The following SYNE1 variants were observed in gnomAD, a reference collection of about 807,000 sequenced individuals.
The protein encoded by SYNE1 is spectrin repeat containing nuclear envelope protein 1, also known as nesprin-1.
Under a neutral mutation model 1,111.0 loss-of-function variants are expected in SYNE1, and 616 were observed. The observed-to-expected ratio is 0.55, with a 90% CI of 0.52 to 0.59. The LOEUF (loss-of-function observed/expected upper bound fraction) is 0.59. Ranked by LOEUF, SYNE1 falls within the 20% of genes least tolerant of loss-of-function variation. The pLI is 0.00. For missense variants in SYNE1, 10,006 were observed against 10,417.0 expected (o/e 0.96, Z 1.72); for synonymous variants, 3,855 against 3,825.8 (o/e 1.01, Z -0.28).
intron 51 of SYNE1, among the ~76,000 whole-genome samples, chr6:152,394,053 A>G (rs2097691690): frequency 6.6e-6 from 1 of 152,020 alleles, no homozygotes; most frequent in South Asian, 2.1e-4. Flanking sequence ...TTTAACTCCC[A>G]CTTATGAGTG....
At chr6:152,174,387 A>T (rs1269616631) in intron 130 of SYNE1, among the ~76,000 whole-genome samples, 1 of 152,170 alleles carries the variant, frequency 6.6e-6, no homozygotes, top group African/African-American at 2.4e-5. Flanking sequence ...AGTTTAAGCT[A>T]AAATATTATT....
rs193298568 is a variant in SYNE1 at position 152,148,993 on chromosome 6, T to C, written c.24642+484A>G. 1.4e-3 allele frequency among the ~76,000 whole-genome samples: 211 copies of C among 152,284 alleles called. No homozygotes were observed. The highest frequency in any genetic ancestry group is 2.1e-3 in the Non-Finnish European group (142 of 68,024). On this transcript the variant is annotated intron_variant, in intron 136 of 145. Coordinates refer to ENST00000367255, the MANE Select transcript of SYNE1 (RefSeq NM_182961.4). The surrounding 1 kb of genome is among the most constrained non-coding windows in gnomAD (Gnocchi z 4.1). ...AGTAAGATGTGATTATGGTAGCAATTAGGAAAATGGAAGAATGAAAATTCA... is the reference window on the plus strand; with the variant it reads ...AGTAAGATGTGATTATGGTAGCAATCAGGAAAATGGAAGAATGAAAATTCA...
At chr6:152,212,676 T>A (rs920591042) in intron 123 of SYNE1, among the ~76,000 whole-genome samples, 7 of 152,138 alleles carry the variant, frequency 4.6e-5, no homozygotes, top group African/African-American at 1.7e-4. Flanking sequence ...ATATGATTAC[T>A]CTACGTAACT....
At chr6:152,605,980 C>T (rs1349900577) in intron 3 of SYNE1, among the ~76,000 whole-genome samples, 1 of 152,090 alleles carries the variant, frequency 6.6e-6, no homozygotes, top group African/African-American at 2.4e-5. Context: ...AACTATTCTT[C>T]CTAAATGTCT....
At chr6:152,392,175 A>G (rs189769429) in intron 51 of SYNE1, among the ~76,000 whole-genome samples, 4 of 152,204 alleles carry the variant, frequency 2.6e-5, no homozygotes, top group Admixed American at 1.3e-4. Context: ...ATCTCAATCC[A>G]AAAGCCTTTC....
rs1203627433 is a variant in SYNE1 at position 152,253,813 on chromosome 6, GTTTGGTTTTTTTTTTTTTTTTT to G, written c.19470+1045_19470+1066del. On this transcript the variant is annotated intron_variant, in intron 104 of 145. Coordinates refer to ENST00000367255, the MANE Select transcript of SYNE1 (RefSeq NM_182961.4). ...GCTAATGCTACATTTATGTGTAGTGGTTTGGTTTTTTTTTTTTTTTTTTTTTTTTTTTTTTTTTTTTTTTTTT... is the reference window on the plus strand; with the variant it reads ...GCTAATGCTACATTTATGTGTAGTGGTTTTTTTTTTTTTTTTTTTTTTTTT... 1.0e-3 allele frequency among the ~76,000 whole-genome samples: 34 copies of G among 33,236 alleles called. 1 individual carries two copies. The highest frequency in any genetic ancestry group is 6.8e-3 in the East Asian group (10 of 1,466). The allele number at this position is 33,236 out of a possible 152,430, so 21.8% of individuals were successfully genotyped here.
chr6:152,236,672 T>TA, intron 109 of SYNE1, 145 bp downstream of exon 109: 1 of 1,093,100 alleles, frequency 9.1e-7, no homozygotes, highest in Middle Eastern at 2.3e-4. Flanking sequence ...CAACTATAAA[T>TA]AACAGAAACA....
At chr6:152,433,755 G>T (rs1180876513) in intron 34 of SYNE1, 40 bp downstream of exon 34, 1 of 1,612,084 alleles carries the variant, frequency 6.2e-7, no homozygotes, top group East Asian at 2.2e-5. Context: ...GTTCTTAAAA[G>T]CTAGACATGG....
chr6:152,256,649 C>T lies in SYNE1; in HGVS notation c.19089G>A (p.Glu6363=). The T allele has an allele frequency of 6.2e-7, 1 of 1,613,684 alleles. No individual in the cohort carries two copies. ...ACAGCCTTACCTGGGATGAAACCTC[C>T]TCGAAGGCTTGGTTCAGTCCATCCA... is the stretch of plus-strand genomic sequence containing the variant. ...SLLDGLNQAF[E]EVSSQSGGAK... is the part of the protein sequence containing the mutation. The change falls in exon 102 of 146, where the codon GAG becomes GAA. Residue 6363 remains glutamate, a synonymous_variant. Transcript: ENST00000367255.
At chr6:152,269,772 A>T (rs1434950380) in intron 98 of SYNE1, among the ~76,000 whole-genome samples, 2 of 152,144 alleles carry the variant, frequency 1.3e-5, no homozygotes, top group Non-Finnish European at 2.9e-5. Flanking sequence ...CTTCCTAAAA[A>T]TTTTTCTAAA....
chr6:152,233,982 T>C lies in SYNE1; in HGVS notation c.20530-19A>G, dbSNP rs1196332104. ...AAAACTCCTGAAACAAGTAGCGATG[T>C]TCAAATTAGGGTTAAATAGCTAGAC... On this transcript the variant is annotated intron_variant, in intron 111 of 145. Coordinates refer to ENST00000367255, the MANE Select transcript of SYNE1 (RefSeq NM_182961.4). The C allele has an allele frequency of 3.1e-6, 5 of 1,612,774 alleles. No homozygotes were observed. The highest frequency in any genetic ancestry group is 1.3e-5 in the African/African-American group (1 of 74,928).
chr6:152,381,295 A>G lies in SYNE1; in HGVS notation c.8720T>C (p.Val2907Ala). Residue 2907 changes from valine to alanine, a missense_variant, in exon 56 of 146, where the codon GTG becomes GCG. Transcript: ENST00000367255. ...LSRVESLAPE[V>A]KQNTTASGCE... ...CCCACTGGCAGTTGTGTTCTGTTTC[A>G]CTTCGGGAGCCAGCGACTCCACTCT... is the stretch of plus-strand genomic sequence containing the variant. 1.9e-6 allele frequency: 3 copies of G among 1,614,106 alleles called. No individual in the cohort carries two copies. The highest frequency in any genetic ancestry group is 2.5e-6 in the Non-Finnish European group (3 of 1,180,030).
rs756151309 is a variant in SYNE1 at position 152,520,494 on chromosome 6, T to C, written c.274A>G (p.Ile92Val). The C allele has an allele frequency of 1.9e-6, 3 of 1,613,726 alleles. No individual in the cohort carries two copies. The highest frequency in any genetic ancestry group is 2.2e-5 in the East Asian group (1 of 44,862). Residue 92 changes from isoleucine to valine, a missense_variant, in exon 6 of 146, where the codon ATT becomes GTT. By Grantham distance (29) the Ile-to-Val change is conservative. This residue lies in a region of SYNE1 where 1,971 missense variants were observed against 2,084.1 expected (regional missense o/e 0.95). Transcript: ENST00000367255. ...RMKRIHAVAN[I>V]GTALKFLEGR... ...TCGAGGAACTTGAGTGCCGTGCCAA[T>C]GTTAGCCACAGCATGGATTCGCTTC... is the stretch of plus-strand genomic sequence containing the variant.
intron 3 of SYNE1, among the ~76,000 whole-genome samples, chr6:152,596,270 G>T (rs67080345): frequency 0.084 from 7,456 of 88,974 alleles, 834 homozygotes; most frequent in African/African-American, 0.27. Context: ...TTGTTTGTTT[G>T]TTTTTTTTTT....
chr6:152,148,257 G>A lies in SYNE1; in HGVS notation c.24764C>T (p.Ser8255Phe). 1.9e-6 allele frequency: 3 copies of A among 1,613,746 alleles called. No individual in the cohort carries two copies. Among genetic ancestry groups the A allele is most frequent in the Admixed American group, 1.7e-5 (1 of 60,022 alleles). Residue 8255 changes from serine to phenylalanine, a missense_variant, in exon 137 of 146, where the codon TCC becomes TTC. Transcript: ENST00000367255. This position sits in a 1 kb window ranked among gnomAD's most constrained non-coding sequence, Gnocchi z 4.1. ...ADSLLSPQPS[S>F]NLSLSLAQPL... ...CTGAGCGAGCGAGAGGGAGAGATTG[G>A]AGGAAGGCTGTGGAGAAAGCAGGCT...
At chr6:152,490,834 C>G (rs928826017) in intron 11 of SYNE1, among the ~76,000 whole-genome samples, 6 of 152,178 alleles carry the variant, frequency 3.9e-5, no homozygotes, top group Non-Finnish European at 8.8e-5. Context: ...CCACCTATGA[C>G]CTTGGGTCCT....
At chr6:152,453,454 GT>G in intron 25 of SYNE1, 131 bp downstream of exon 25, 1 of 1,378,128 alleles carries the variant, frequency 7.3e-7, no homozygotes, top group Non-Finnish European at 1.0e-6. Context: ...AGTTTTTTGA[GT>G]TTTTAAATGA....
At chr6:152,463,060 A>G (rs890712108) in intron 19 of SYNE1, among the ~76,000 whole-genome samples, 170 bp from the exon 20 acceptor site, 2 of 152,192 alleles carry the variant, frequency 1.3e-5, no homozygotes, top group Non-Finnish European at 2.9e-5. Context: ...GTTTGAAAGA[A>G]AAAAAGAAAC....
chr6:152,390,663 C>A (rs1166516597), intron 52 of SYNE1, among the ~76,000 whole-genome samples: 1 of 152,068 alleles, frequency 6.6e-6, no homozygotes, highest in East Asian at 1.9e-4. Context: ...AATATAAATT[C>A]TTAGAAAACT....
Sources: allele counts gnomAD v4.1 joint callset (sites outside exome capture counted in the v4.1 genomes callset), GRCh38; gene constraint gnomAD v4.1.1; regional missense constraint gnomAD v4.1.1; non-coding constraint Gnocchi (gnomAD v3.1); transcripts MANE v1.5; gene names NCBI Gene and HGNC (gene_info 2026-07-23, HGNC 2026-07-21).